The following ANKH variants were observed in gnomAD, a reference collection of about 807,000 sequenced individuals.
ANKH encodes ANKH inorganic pyrophosphate transport regulator.
ANKH carries 15 observed loss-of-function variants against 49.0 expected under a neutral mutation model. The ratio of observed to expected loss-of-function variants is 0.31; its 90% confidence interval spans 0.20 to 0.47. The LOEUF is 0.47. Among genes scored for constraint, ANKH ranks in the 20% least tolerant of loss-of-function variants. ANKH has a pLI of 1.00. For missense variants in ANKH, 429 were observed against 652.0 expected (o/e 0.66, Z 3.72); for synonymous variants, 273 against 260.0 (o/e 1.05, Z -0.48).
At chr5:14,806,813 C>T (rs969636660) in intron 1 of ANKH, among the ~76,000 whole-genome samples, 5 of 152,326 alleles carry the variant, frequency 3.3e-5, no homozygotes, top group Middle Eastern at 3.4e-3. Context: ...GAACTGATGC[C>T]TATGCAGTCA....
chr5:14,837,840 C>G (rs1228143956), intron 1 of ANKH, among the ~76,000 whole-genome samples: 1 of 152,188 alleles, frequency 6.6e-6, no homozygotes, highest in African/African-American at 2.4e-5. Flanking sequence ...TTTACTGCGG[C>G]ACTATTCACA....
intron 8 of ANKH, among the ~76,000 whole-genome samples, chr5:14,718,837 C>CG (rs1223577249): frequency 2.1e-5 from 3 of 144,960 alleles, no homozygotes; most frequent in Non-Finnish European, 3.0e-5. Flanking sequence ...CCACCCCCCC[C>CG]CCAAAAAAAA....
chr5:14,798,010 G>A (rs936649232), intron 1 of ANKH: 12 of 1,568,892 alleles, frequency 7.6e-6, no homozygotes, highest in African/African-American at 2.7e-5. Context: ...GGCATATAAC[G>A]GGCCCTGTTT....
In ANKH at chr5:14,746,076, C is replaced by A. The variant is rs960368724; in HGVS notation, c.823-114G>T. The A allele has an allele frequency of 3.8e-6, 3 of 798,580 alleles. No individual in the cohort carries two copies. The African/African-American group carries it at 5.1e-5, about 13-fold the overall frequency. 49.5% of individuals were successfully genotyped at this position (798,580 alleles called of 1,614,324 possible). On this transcript the variant is annotated intron_variant, in intron 6 of 11. Coordinates refer to ENST00000284268, the MANE Select transcript of ANKH (RefSeq NM_054027.6). ...GTGCAGCCACTGAGGACAGAGCCCG[C>A]TACACTGGGTGACAAACATCAGGCA...
intron 1 of ANKH, among the ~76,000 whole-genome samples, chr5:14,836,266 A>T (rs1309168503): frequency 5.9e-5 from 9 of 152,212 alleles, no homozygotes; most frequent in Non-Finnish European, 1.0e-4. Context: ...AGTTCTGGCC[A>T]GAGCAATCAG....
intron 1 of ANKH, among the ~76,000 whole-genome samples, chr5:14,795,918 C>T (rs1740359719): frequency 6.6e-6 from 1 of 151,640 alleles, no homozygotes; most frequent in Admixed American, 6.6e-5. Context: ...CTAAGATAAG[C>T]CCTGAGACCG....
At chr5:14,714,214 C>T (rs1323031693) in intron 9 of ANKH, among the ~76,000 whole-genome samples, 1 of 152,262 alleles carries the variant, frequency 6.6e-6, no homozygotes, top group African/African-American at 2.4e-5. Flanking sequence ...ACTTCCCTTT[C>T]TCCCTCCTAA....
At position 14,833,676 on chromosome 5, in the gene ANKH, C is replaced by T. The variant is rs189634178; in HGVS notation, c.96+37676G>A. ...CTTTCAAAATAGCCAAGATGTCACTCTGTGGACTGGCCAATGCTGGGCCTG... is the reference window on the plus strand; with the variant it reads ...CTTTCAAAATAGCCAAGATGTCACTTTGTGGACTGGCCAATGCTGGGCCTG... On this transcript the variant is annotated intron_variant, in intron 1 of 11. Coordinates refer to ENST00000284268, the MANE Select transcript of ANKH (RefSeq NM_054027.6). Among the ~76,000 whole-genome samples, 67 of 152,334 alleles carry T rather than the reference C, an allele frequency of 4.4e-4. No homozygotes were observed. In the East Asian group the frequency reaches 9.1e-3, roughly 21 times the overall value.
chr5:14,797,687 G>C (rs1455399765), intron 1 of ANKH: 3 of 1,597,982 alleles, frequency 1.9e-6, no homozygotes, highest in Non-Finnish European at 2.6e-6. Flanking sequence ...GAGACTCACA[G>C]AGTAGATGCC....
chr5:14,747,468 G>C (rs1401524263), intron 6 of ANKH, among the ~76,000 whole-genome samples: 4 of 152,142 alleles, frequency 2.6e-5, no homozygotes, highest in Admixed American at 2.6e-4. Flanking sequence ...GCTGAGGCAG[G>C]AGGATCGCTT....
chr5:14,819,445 C>T (rs1728757629), intron 1 of ANKH, among the ~76,000 whole-genome samples: 1 of 152,214 alleles, frequency 6.6e-6, no homozygotes, highest in Non-Finnish European at 1.5e-5. Flanking sequence ...ACAAGGAGGT[C>T]CTCTCTGCAG....
At chr5:14,726,812 C>A (rs1737837077) in intron 8 of ANKH, among the ~76,000 whole-genome samples, 1 of 152,240 alleles carries the variant, frequency 6.6e-6, no homozygotes, top group Non-Finnish European at 1.5e-5. Flanking sequence ...TAGCAAATGA[C>A]TCCCATTTCT....
At chr5:14,834,692 A>C (rs956665935) in intron 1 of ANKH, among the ~76,000 whole-genome samples, 10 of 152,118 alleles carry the variant, frequency 6.6e-5, no homozygotes, top group African/African-American at 2.2e-4. Context: ...GAGGCAGGAG[A>C]ATCACTTGAA....
chr5:14,798,284 A>G, intron 1 of ANKH: 5 of 1,602,790 alleles, frequency 3.1e-6, no homozygotes, highest in East Asian at 2.2e-5. Flanking sequence ...GCCACTCCAG[A>G]GCATGGGTCA....
intron 4 of ANKH, 108 bp from the exon 5 acceptor site, chr5:14,751,347 T>G: frequency 1.7e-6 from 2 of 1,190,408 alleles, no homozygotes; most frequent in Non-Finnish European, 2.4e-6. Flanking sequence ...AGCAAAGATC[T>G]TGACTTTTAT....
At chr5:14,728,449 C>A (rs530737375) in intron 8 of ANKH, among the ~76,000 whole-genome samples, 8 of 152,344 alleles carry the variant, frequency 5.3e-5, no homozygotes, top group African/African-American at 1.4e-4. Context: ...ACCTTTGGTT[C>A]TTTTCTCATC....
At chr5:14,739,428 A>C (rs1738285219) in intron 8 of ANKH, among the ~76,000 whole-genome samples, 1 of 152,188 alleles carries the variant, frequency 6.6e-6, no homozygotes, top group South Asian at 2.1e-4. Context: ...AAAAAGAAAA[A>C]AAAGAGAAAA....
chr5:14,772,835 T>G (rs1024145195), intron 1 of ANKH, among the ~76,000 whole-genome samples: 2 of 152,236 alleles, frequency 1.3e-5, no homozygotes, highest in African/African-American at 4.8e-5. Flanking sequence ...GCTGTCTTCT[T>G]GCCAGGGAGA....
At chr5:14,812,789 T>A (rs1041283817) in intron 1 of ANKH, among the ~76,000 whole-genome samples, 2 of 152,220 alleles carry the variant, frequency 1.3e-5, no homozygotes, top group Non-Finnish European at 2.9e-5. Context: ...CAGAATAATT[T>A]TTTTCTTTAA....
Sources: allele counts gnomAD v4.1 joint callset (sites outside exome capture counted in the v4.1 genomes callset), GRCh38; gene constraint gnomAD v4.1.1; transcripts MANE v1.5; gene names NCBI Gene and HGNC (gene_info 2026-07-23, HGNC 2026-07-21).